The following CHST9 variants were observed in gnomAD, a reference collection of about 807,000 sequenced individuals.
CHST9 encodes the protein carbohydrate sulfotransferase 9.
CHST9 carries 41 observed loss-of-function variants against 44.4 expected under a neutral mutation model. The ratio of observed to expected loss-of-function variants is 0.92; its 90% CI spans 0.72 to 1.20. The LOEUF is 1.20. Ranked by LOEUF, CHST9 falls within the 50% of genes most tolerant of loss-of-function variation. The probability of loss-of-function intolerance (pLI) is 0.00; values close to 1 mark genes in which losing one functional copy is unlikely to be tolerated. For synonymous variants in CHST9, 171 were observed against 178.4 expected (o/e 0.96, Z 0.33); for missense variants, 504 against 516.5 (o/e 0.98, Z 0.23).
intron 1 of CHST9, among the ~76,000 whole-genome samples, chr18:27,158,966 T>A (rs1236927904): frequency 1.3e-5 from 2 of 152,274 alleles, no homozygotes; most frequent in South Asian, 2.1e-4. Flanking sequence ...GTTTGTTTTT[T>A]TCTTGTAGAT....
intron 4 of CHST9, among the ~76,000 whole-genome samples, chr18:26,977,539 T>C (rs971602173): frequency 2.6e-5 from 4 of 152,158 alleles, no homozygotes; most frequent in Non-Finnish European, 4.4e-5. Flanking sequence ...GGAGAAATCA[T>C]TGCTGCAGTG....
intron 1 of CHST9, among the ~76,000 whole-genome samples, chr18:27,176,452 C>T (rs2058868853): frequency 6.6e-6 from 1 of 151,926 alleles, no homozygotes; most frequent in African/African-American, 2.4e-5. Context: ...AGGTCAAAAT[C>T]AAAGCCTTGG....
chr18:27,171,541 A>G (rs2058833615), intron 1 of CHST9, among the ~76,000 whole-genome samples: 1 of 152,188 alleles, frequency 6.6e-6, no homozygotes. Context: ...TTTCATTTTT[A>G]TTTTCTTAGT....
intron 5 of CHST9, among the ~76,000 whole-genome samples, chr18:26,919,271 C>T (rs755075881): frequency 3.3e-5 from 5 of 152,108 alleles, no homozygotes; most frequent in African/African-American, 4.8e-5. Flanking sequence ...ACCATTGGAC[C>T]GTCTATTTGG....
chr18:27,157,522 A>T (rs974123646), intron 1 of CHST9, among the ~76,000 whole-genome samples: 1 of 152,136 alleles, frequency 6.6e-6, no homozygotes, highest in African/African-American at 2.4e-5. Context: ...GAGAAATAGC[A>T]TGGACTAAAA....
At chr18:27,069,384 C>G (rs2057815392) in intron 2 of CHST9, among the ~76,000 whole-genome samples, 1 of 152,056 alleles carries the variant, frequency 6.6e-6, no homozygotes, top group African/African-American at 2.4e-5. Flanking sequence ...GTTCAATAAG[C>G]CTGTGAGACA....
chr18:26,964,961 G>A (rs2056446052), intron 4 of CHST9, among the ~76,000 whole-genome samples: 1 of 152,194 alleles, frequency 6.6e-6, no homozygotes, highest in Non-Finnish European at 1.5e-5. Flanking sequence ...AGGTCAGATG[G>A]CGATGGCAGG....
chr18:27,100,066 A>G (rs1429988137), intron 2 of CHST9, among the ~76,000 whole-genome samples: 1 of 152,080 alleles, frequency 6.6e-6, no homozygotes, highest in Non-Finnish European at 1.5e-5. Context: ...CATATGGAGT[A>G]CTACAAAGGC....
intron 1 of CHST9, among the ~76,000 whole-genome samples, chr18:27,146,550 T>C (rs1013037145): frequency 2.6e-5 from 4 of 152,162 alleles, no homozygotes; most frequent in East Asian, 1.9e-4. Context: ...CTACTGGAGA[T>C]TTAAATTACT....
chr18:26,919,133 C>G (rs61632930), intron 5 of CHST9, among the ~76,000 whole-genome samples: 1 of 152,110 alleles, frequency 6.6e-6, no homozygotes, highest in Admixed American at 6.5e-5. Context: ...CCCCATGATT[C>G]AATTACCTCC....
chr18:27,150,888 T>G (rs1383309258), intron 1 of CHST9, among the ~76,000 whole-genome samples: 4 of 152,142 alleles, frequency 2.6e-5, no homozygotes, highest in African/African-American at 9.7e-5. Context: ...TAGTATAAAT[T>G]GGCTTAAGGG....
intron 5 of CHST9, chr18:26,936,186 C>T (rs955815716): frequency 2.6e-5 from 4 of 152,284 alleles, no homozygotes; most frequent in East Asian, 3.9e-4. Context: ...CTGGTATTCA[C>T]GATCACTGTT....
intron 3 of CHST9, among the ~76,000 whole-genome samples, chr18:27,039,387 T>G (rs1006026321): frequency 7.2e-5 from 11 of 152,176 alleles, no homozygotes; most frequent in Non-Finnish European, 1.3e-4. Context: ...TTTGATGTTA[T>G]GAAATTAGCT....
chr18:26,961,507 G>A (rs1188018877), intron 4 of CHST9, among the ~76,000 whole-genome samples: 1 of 151,764 alleles, frequency 6.6e-6, no homozygotes, highest in African/African-American at 2.4e-5. Flanking sequence ...ATAGCTCACT[G>A]CAGCCTCGAA....
chr18:27,087,438 G>A lies in CHST9; in HGVS notation c.122-38935C>T, dbSNP rs567133529. On this transcript the variant is annotated intron_variant, in intron 2 of 5. Coordinates refer to ENST00000618847, the MANE Select transcript of CHST9 (RefSeq NM_031422.6). ...TTTATTGAGTCTCTTTGCCCTTTTG[G>A]ATGGTTTCCAACTGTAGATTGCAGT... Among the ~76,000 whole-genome samples, 7 of 152,056 alleles carry A rather than the reference G, an allele frequency of 4.6e-5. No homozygotes were observed. The South Asian group carries it at 1.3e-3, about 27-fold the overall frequency.
intron 4 of CHST9, among the ~76,000 whole-genome samples, chr18:26,986,549 G>A (rs1266964570): frequency 2.0e-5 from 3 of 152,088 alleles, no homozygotes; most frequent in Non-Finnish European, 2.9e-5. Context: ...TATTTTTGGT[G>A]AAAACTTTAA....
At chr18:26,959,443 T>C (rs1194394607) in intron 4 of CHST9, among the ~76,000 whole-genome samples, 1 of 152,224 alleles carries the variant, frequency 6.6e-6, no homozygotes, top group Non-Finnish European at 1.5e-5. Context: ...GTAACAAACC[T>C]GCACATGTAT....
At chr18:27,118,298 T>C (rs2058346193) in intron 2 of CHST9, among the ~76,000 whole-genome samples, 1 of 152,222 alleles carries the variant, frequency 6.6e-6, no homozygotes, top group African/African-American at 2.4e-5. Context: ...AACAGTCTTA[T>C]ATTAGATGTC....
chr18:26,938,572 C>T (rs1273426516), intron 5 of CHST9, among the ~76,000 whole-genome samples: 1 of 152,088 alleles, frequency 6.6e-6, no homozygotes, highest in African/African-American at 2.4e-5. Context: ...TAATGCAATC[C>T]CACTTTAAAT....
Sources: gnomAD v4.1 joint callset for allele counts (sites outside exome capture counted in the v4.1 genomes callset) on GRCh38, gnomAD v4.1.1 for gene constraint, MANE v1.5 for transcripts, NCBI Gene and HGNC (gene_info 2026-07-23, HGNC 2026-07-21) for gene names.